Variants in NRG3 observed in about 807,000 individuals in gnomAD.
NRG3 encodes neuregulin 3.
NRG3 carries 31 observed loss-of-function variants against 66.9 expected under a neutral mutation model. The ratio of observed to expected loss-of-function variants is 0.46; its 90% CI spans 0.35 to 0.63. The LOEUF (loss-of-function observed/expected upper bound fraction) is 0.63. Among genes scored for constraint, NRG3 ranks in the 20% least tolerant of loss-of-function variants. The pLI, the probability that NRG3 is intolerant of heterozygous loss-of-function variation, is 0.00. For synonymous variants in NRG3, 393 were observed against 359.4 expected (o/e 1.09, Z -1.06); for missense variants, 910 against 878.9 (o/e 1.04, Z -0.45).
At chr10:82,953,945 G>A (rs59188314) in intron 5 of NRG3, among the ~76,000 whole-genome samples, 1,229 of 120,220 alleles carry the variant, frequency 0.01, 36 homozygotes, top group African/African-American at 0.034. Flanking sequence ...GCAACAGAGT[G>A]AGATTCAGTC....
chr10:82,407,438 A>G (rs1051143986), intron 2 of NRG3, among the ~76,000 whole-genome samples: 2 of 152,020 alleles, frequency 1.3e-5, no homozygotes, highest in African/African-American at 4.8e-5. Context: ...TCAAACCTCA[A>G]CTCTATCACT....
At chr10:82,758,052 C>T (rs2059149712) in intron 3 of NRG3, among the ~76,000 whole-genome samples, 1 of 151,952 alleles carries the variant, frequency 6.6e-6, no homozygotes, top group Admixed American at 6.6e-5. Flanking sequence ...TATTTCACCT[C>T]AAATGGTTTG....
At chr10:82,381,677 A>G (rs956516119) in intron 2 of NRG3, among the ~76,000 whole-genome samples, 8 of 152,194 alleles carry the variant, frequency 5.3e-5, no homozygotes, top group Non-Finnish European at 1.0e-4. Context: ...ATTTTATTTT[A>G]TCACTTATGC....
At chr10:82,393,445 G>T (rs780220753) in intron 2 of NRG3, among the ~76,000 whole-genome samples, 1 of 152,120 alleles carries the variant, frequency 6.6e-6, no homozygotes, top group South Asian at 2.1e-4. Context: ...GATTGACATG[G>T]ACTGACTGAC....
At chr10:82,297,423 C>A (rs2080135053) in intron 1 of NRG3, among the ~76,000 whole-genome samples, 1 of 152,118 alleles carries the variant, frequency 6.6e-6, no homozygotes, top group Non-Finnish European at 1.5e-5. Flanking sequence ...AGGATCAGGG[C>A]AGATGACTGC....
intron 1 of NRG3, among the ~76,000 whole-genome samples, chr10:82,033,082 T>G (rs1462078622): frequency 6.6e-6 from 1 of 152,096 alleles, no homozygotes; most frequent in Non-Finnish European, 1.5e-5. Context: ...AATTATAGAT[T>G]AGGAATATTG....
intron 7 of NRG3, among the ~76,000 whole-genome samples, chr10:82,975,441 G>T (rs1852160687): frequency 6.6e-6 from 1 of 152,074 alleles, no homozygotes; most frequent in Non-Finnish European, 1.5e-5. Context: ...GTGCTTTTAT[G>T]CTCCCTCCTA....
At chr10:81,893,138 G>A (rs1225898723) in intron 1 of NRG3, among the ~76,000 whole-genome samples, 1 of 152,146 alleles carries the variant, frequency 6.6e-6, no homozygotes, top group Non-Finnish European at 1.5e-5. Context: ...AAAGTCAAGT[G>A]TAGTTCTACC....
chr10:82,378,535 C>T (rs2135818552), intron 2 of NRG3, among the ~76,000 whole-genome samples: 1 of 151,764 alleles, frequency 6.6e-6, no homozygotes, highest in African/African-American at 2.4e-5. Context: ...TCCATTCCTC[C>T]CTCCCTCTCT....
At chr10:82,968,888 A>G (rs934777210) in intron 6 of NRG3, among the ~76,000 whole-genome samples, 1 of 152,214 alleles carries the variant, frequency 6.6e-6, no homozygotes, top group African/African-American at 2.4e-5. Flanking sequence ...GTGAGGCCTC[A>G]TAATCATGGT....
chr10:82,727,779 GA>G (rs1416711337), intron 2 of NRG3, among the ~76,000 whole-genome samples: 4 of 152,126 alleles, frequency 2.6e-5, no homozygotes, highest in African/African-American at 4.8e-5. Flanking sequence ...CTGTGCACCT[GA>G]AAAAGCTGCA....
chr10:82,393,186 T>C (rs886258467), intron 2 of NRG3, among the ~76,000 whole-genome samples: 21 of 152,082 alleles, frequency 1.4e-4, no homozygotes, highest in African/African-American at 5.1e-4. Context: ...GGAGGGGATA[T>C]TGTGTAGTTG....
At chr10:82,440,117 T>C (rs183009547) in intron 2 of NRG3, among the ~76,000 whole-genome samples, 1 of 152,170 alleles carries the variant, frequency 6.6e-6, no homozygotes, top group Admixed American at 6.5e-5. Context: ...TCCCATCTTT[T>C]CTATGATCAC....
At chr10:82,219,010 T>C (rs1232277587) in intron 1 of NRG3, among the ~76,000 whole-genome samples, 1 of 151,972 alleles carries the variant, frequency 6.6e-6, no homozygotes, top group East Asian at 1.9e-4. Context: ...TTATTAGAAT[T>C]CTTTCACTAA....
At chr10:82,842,876 A>C (rs1225951269) in intron 3 of NRG3, among the ~76,000 whole-genome samples, 1 of 152,206 alleles carries the variant, frequency 6.6e-6, no homozygotes, top group Non-Finnish European at 1.5e-5. Flanking sequence ...GCAAGCCACC[A>C]CACCTGGCTA....
intron 2 of NRG3, among the ~76,000 whole-genome samples, chr10:82,405,790 C>T (rs150574541): frequency 0.015 from 2,286 of 152,210 alleles, 43 homozygotes; most frequent in African/African-American, 0.046. Flanking sequence ...ATTCTTTTTG[C>T]TTAGAAAGAT....
intron 2 of NRG3, among the ~76,000 whole-genome samples, chr10:82,614,898 CA>C (rs551919378): frequency 1.9e-4 from 28 of 143,660 alleles, no homozygotes; most frequent in African/African-American, 4.3e-4. Context: ...TATATATTTC[CA>C]AAAAAAAAAA....
intron 2 of NRG3, among the ~76,000 whole-genome samples, chr10:82,642,169 A>ACATGATTT (rs2050627044): frequency 6.6e-6 from 1 of 152,184 alleles, no homozygotes; most frequent in African/African-American, 2.4e-5. Context: ...GCTGCAAAAG[A>ACATGATTT]CATGATTTTA....
chr10:82,843,920 A>C (rs2063183585), intron 3 of NRG3, among the ~76,000 whole-genome samples: 2 of 152,324 alleles, frequency 1.3e-5, no homozygotes, highest in Admixed American at 1.3e-4. Context: ...TCTACATAGC[A>C]ACTAAGTATA....
Sources: allele counts gnomAD v4.1 joint callset (sites outside exome capture counted in the v4.1 genomes callset), GRCh38; gene constraint gnomAD v4.1.1; transcripts MANE v1.5; gene names NCBI Gene and HGNC (gene_info 2026-07-23, HGNC 2026-07-21).